CCDC7: variants seen among roughly 807,000 people sequenced by gnomAD.
CCDC7 encodes the protein coiled-coil domain-containing protein 7.
In CCDC7, 183 loss-of-function variants were observed where a neutral mutation model predicts 196.9. The observed-to-expected ratio is 0.93, with a 90% confidence interval of 0.82 to 1.05. The LOEUF is 1.05. Ranked by LOEUF, CCDC7 falls within the 50% of genes least tolerant of loss-of-function variation. The pLI, the probability that CCDC7 is intolerant of heterozygous loss-of-function variation, is 0.00. For synonymous variants in CCDC7, 525 were observed against 484.6 expected (o/e 1.08, Z -1.10); for missense variants, 1,540 against 1,482.2 (o/e 1.04, Z -0.64).
At chr10:32,479,576 A>G (rs2039595840) in intron 8 of CCDC7, among the ~76,000 whole-genome samples, 1 of 152,170 alleles carries the variant, frequency 6.6e-6, no homozygotes, top group African/African-American at 2.4e-5. Flanking sequence ...ATAGTGAATG[A>G]TTCTTTTAAT....
At chr10:32,610,892 T>G (rs533260529) in intron 18 of CCDC7, among the ~76,000 whole-genome samples, 2 of 152,244 alleles carry the variant, frequency 1.3e-5, no homozygotes, top group East Asian at 3.8e-4. Flanking sequence ...TATGTGTGCA[T>G]GCGTCTTTAT....
intron 17 of CCDC7, among the ~76,000 whole-genome samples, 156 bp from the exon 19 acceptor site, chr10:32,584,076 C>T (rs2059000212): frequency 6.6e-6 from 1 of 151,954 alleles, no homozygotes; most frequent in Admixed American, 6.6e-5. Context: ...TTGATACATT[C>T]AGGAAATAAT....
At chr10:32,716,355 G>T (rs2081577066) in intron 25 of CCDC7, among the ~76,000 whole-genome samples, 1 of 152,140 alleles carries the variant, frequency 6.6e-6, no homozygotes, top group African/African-American at 2.4e-5. Flanking sequence ...TGCTGAGAGA[G>T]AATTTTCACC....
At chr10:32,485,833 C>T (rs1261986975) in intron 8 of CCDC7, among the ~76,000 whole-genome samples, 1 of 152,152 alleles carries the variant, frequency 6.6e-6, no homozygotes, top group Non-Finnish European at 1.5e-5. Context: ...ATCCTGAGTT[C>T]TAGTTTGATT....
intron 30 of CCDC7, among the ~76,000 whole-genome samples, chr10:32,808,537 G>A (rs911860372): frequency 1.3e-5 from 2 of 152,062 alleles, no homozygotes; most frequent in East Asian, 3.9e-4. Context: ...CATGTACACT[G>A]TCTGGAGGCT....
chr10:32,811,637 C>G (rs2087138077), intron 30 of CCDC7, among the ~76,000 whole-genome samples: 1 of 152,028 alleles, frequency 6.6e-6, no homozygotes, highest in Non-Finnish European at 1.5e-5. Flanking sequence ...CCAATTTTTT[C>G]CAAACCTTTA....
At chr10:32,779,055 T>C (rs2080600480) in exon 29 of CCDC7, 7 of 1,549,934 alleles carry the variant, frequency 4.5e-6, no homozygotes, top group Non-Finnish European at 6.1e-6. Context: ...AGCGACCTAA[T>C]AATTCAATTT....
rs111614788 is a variant in CCDC7, at chr10:32,537,827, T to C, written c.994-5473T>C. ...TAGGTGTGCAGCCTTATTTCTGGCT[T>C]CTCTATTCTGTTCCATTGGCCTAGG... is the stretch of plus-strand genomic sequence containing the variant. On this transcript the variant is annotated intron_variant, in intron 11 of 41. Coordinates refer to ENST00000639629, the Ensembl canonical transcript of CCDC7. 5.9e-4 allele frequency among the ~76,000 whole-genome samples: 90 copies of C among 152,188 alleles called. 1 individual carries two copies. Among genetic ancestry groups the C allele is most frequent in the African/African-American group, 2.1e-3 (86 of 41,526 alleles).
At chr10:32,518,323 G>T in intron 10 of CCDC7, 93 bp from the exon 12 acceptor site, 1 of 1,302,570 alleles carries the variant, frequency 7.7e-7, no homozygotes, top group Non-Finnish European at 1.0e-6. Flanking sequence ...ATGAGTTAAT[G>T]AAGACTTTCT....
chr10:32,850,087 G>A (rs1363630504), intron 39 of CCDC7, among the ~76,000 whole-genome samples: 2 of 152,134 alleles, frequency 1.3e-5, no homozygotes, highest in South Asian at 2.1e-4. Context: ...ACAATACCAG[G>A]ATGTTCTTCA....
At chr10:32,637,313 G>T (rs1163432010) in intron 20 of CCDC7, among the ~76,000 whole-genome samples, 2 of 152,142 alleles carry the variant, frequency 1.3e-5, no homozygotes, top group Non-Finnish European at 2.9e-5. Flanking sequence ...CCATGCCTAT[G>T]TCCTGAATGG....
At chr10:32,449,392 T>G (rs1345783912), upstream of CCDC7, among the ~76,000 whole-genome samples, 2 of 152,150 alleles carry the variant, frequency 1.3e-5, no homozygotes, top group Non-Finnish European at 2.9e-5. Flanking sequence ...TTTACCATAT[T>G]GGCCAGGCTG....
intron 21 of CCDC7, 51 bp from the exon 23 acceptor site, chr10:32,685,919 C>T: frequency 9.3e-7 from 1 of 1,075,190 alleles, no homozygotes; most frequent in Non-Finnish European, 1.3e-6. Flanking sequence ...AGAAATTTCA[C>T]AAAAGATCCA....
intron 28 of CCDC7, among the ~76,000 whole-genome samples, chr10:32,774,693 G>A (rs1476645301): frequency 6.6e-6 from 1 of 152,030 alleles, no homozygotes; most frequent in Non-Finnish European, 1.5e-5. Flanking sequence ...CTGCCATCTT[G>A]CTTACACCAC....
At chr10:32,736,130 A>G (rs1426862973) in intron 28 of CCDC7, among the ~76,000 whole-genome samples, 1 of 152,084 alleles carries the variant, frequency 6.6e-6, no homozygotes, top group Non-Finnish European at 1.5e-5. Flanking sequence ...ATATTGTGTT[A>G]ACTATTCTGG....
exon 14 of CCDC7, chr10:32,565,584 C>G (rs1408490392): frequency 2.5e-6 from 4 of 1,609,388 alleles, no homozygotes; most frequent in Non-Finnish European, 2.5e-6. Flanking sequence ...AAATTGAGAA[C>G]AAAGTCCTTC....
intron 21 of CCDC7, among the ~76,000 whole-genome samples, chr10:32,678,140 C>G (rs563508331): frequency 6.6e-6 from 1 of 152,048 alleles, no homozygotes; most frequent in South Asian, 2.1e-4. Flanking sequence ...ATTTGGTTGT[C>G]TAGCTGTATT....
chr10:32,673,226 G>C (rs920585454), intron 21 of CCDC7, among the ~76,000 whole-genome samples: 3 of 152,048 alleles, frequency 2.0e-5, no homozygotes, highest in African/African-American at 7.2e-5. Context: ...CAGGAAGTAT[G>C]ATGCCTCCAG....
chr10:32,787,592 T>C (rs1221392102), intron 29 of CCDC7, among the ~76,000 whole-genome samples: 1 of 152,162 alleles, frequency 6.6e-6, no homozygotes, highest in Non-Finnish European at 1.5e-5. Flanking sequence ...CTGGACTTCC[T>C]TGGACCCCAA....
Sources: gnomAD v4.1 joint callset for allele counts (sites outside exome capture counted in the v4.1 genomes callset) on GRCh38, gnomAD v4.1.1 for gene constraint, MANE v1.5 for transcripts, NCBI Gene and HGNC (gene_info 2026-07-23, HGNC 2026-07-21) for gene names.